NEIL3: variants seen among roughly 807,000 people sequenced by gnomAD.
The protein encoded by NEIL3 is endonuclease 8-like 3.
NEIL3 carries 48 observed loss-of-function variants against 57.5 expected under a neutral mutation model. That is an observed-to-expected ratio of 0.83 (90% CI 0.66 to 1.06). NEIL3 has a LOEUF of 1.06. Among genes scored for constraint, NEIL3 ranks in the 50% least tolerant of loss-of-function variants. NEIL3 has a pLI of 0.00. For missense variants in NEIL3, 717 were observed against 739.1 expected (o/e 0.97, Z 0.35); for synonymous variants, 261 against 253.2 (o/e 1.03, Z -0.29).
At chr4:177,345,383 C>A (rs1052178483) in intron 6 of NEIL3, among the ~76,000 whole-genome samples, 1 of 152,034 alleles carries the variant, frequency 6.6e-6, no homozygotes, top group Admixed American at 6.5e-5. Flanking sequence ...ATATTCAGGT[C>A]TCTAAAAACC....
At chr4:177,338,430 C>T (rs1735020064) in intron 4 of NEIL3, among the ~76,000 whole-genome samples, 1 of 152,180 alleles carries the variant, frequency 6.6e-6, no homozygotes, top group African/African-American at 2.4e-5. Flanking sequence ...CAGCCCTACA[C>T]ACATGCAGGC....
chr4:177,354,903 A>G (rs954653268), intron 8 of NEIL3, among the ~76,000 whole-genome samples: 10 of 152,206 alleles, frequency 6.6e-5, no homozygotes, highest in African/African-American at 2.2e-4. Context: ...TTCCAGCTAC[A>G]TGTCCAGGAG....
chr4:177,353,504 A>G lies in NEIL3; in HGVS notation c.1236A>G (p.Leu412=), dbSNP rs550148423. The G allele has an allele frequency of 3.7e-6, 6 of 1,613,600 alleles. No individual in the cohort carries two copies. The highest frequency in any genetic ancestry group is 2.2e-5 in the East Asian group (1 of 44,866). ...GAAAAACAAAGCAAAACCAGATACT[A>G]GATGAGGAGTTTCAAAACTCTCCTC... ...LERKTKQNQI[L]DEEFQNSPPA... is the part of the protein sequence containing the mutation. Residue 412 remains leucine, a synonymous_variant, in exon 8 of 10, where the codon CTA becomes CTG. Coordinates refer to ENST00000264596, the MANE Select transcript of NEIL3 (RefSeq NM_018248.3).
chr4:177,353,873 C>T, intron 8 of NEIL3, 145 bp downstream of exon 8: 1 of 686,774 alleles, frequency 1.5e-6, no homozygotes, highest in Non-Finnish European at 2.4e-6. Context: ...TCAAGCGATT[C>T]TCCTGCCTCA....
In NEIL3 at chr4:177,336,164, C is replaced by T. The variant is rs1734974756; in HGVS notation, c.470C>T (p.Ser157Leu). The T allele has an allele frequency of 6.2e-7, 1 of 1,613,574 alleles. No individual in the cohort carries two copies. Among genetic ancestry groups the T allele is most frequent in the Non-Finnish European group, 8.5e-7 (1 of 1,179,652 alleles). The change falls in exon 4 of 10, where the codon TCA (serine) becomes TTA (leucine). Residue 157 changes from serine (S) to leucine (L), a missense_variant. Coordinates refer to ENST00000264596, the MANE Select transcript of NEIL3 (RefSeq NM_018248.3). ...IRMMKELDVC[S>L]PEFSFLRAES... Reference sequence around the variant, plus strand: ...ATGATGAAAGAATTAGATGTATGTTCACCTGAATTTAGTTTCTTGAGAGCA... The same window carrying T: ...ATGATGAAAGAATTAGATGTATGTTTACCTGAATTTAGTTTCTTGAGAGCA...
chr4:177,355,232 A>T (rs1018405566), intron 8 of NEIL3, among the ~76,000 whole-genome samples: 1 of 152,136 alleles, frequency 6.6e-6, no homozygotes, highest in African/African-American at 2.4e-5. Flanking sequence ...TCGTCCTCCC[A>T]TGTATGTCTT....
chr4:177,328,063 C>A (rs556593831), intron 2 of NEIL3, among the ~76,000 whole-genome samples: 1 of 152,256 alleles, frequency 6.6e-6, no homozygotes, highest in Admixed American at 6.5e-5. Context: ...TGGCCTCCAA[C>A]TGAGTTTCAT....
intron 2 of NEIL3, among the ~76,000 whole-genome samples, chr4:177,331,284 C>T (rs1734880426): frequency 6.6e-6 from 1 of 151,534 alleles, no homozygotes; most frequent in South Asian, 2.1e-4. Context: ...AATCTATATT[C>T]AGGTTCACTT....
intron 6 of NEIL3, among the ~76,000 whole-genome samples, chr4:177,347,031 C>T (rs1190068736): frequency 1.3e-5 from 2 of 151,784 alleles, no homozygotes; most frequent in African/African-American, 4.8e-5. Flanking sequence ...AAGAAAAAAC[C>T]TATCTATACA....
intron 1 of NEIL3, among the ~76,000 whole-genome samples, chr4:177,319,426 TGA>T (rs1405656175): frequency 6.6e-6 from 1 of 152,154 alleles, no homozygotes; most frequent in Non-Finnish European, 1.5e-5. Flanking sequence ...AGATAGATGT[TGA>T]GTTTCAGCTT....
At position 177,362,893 on chromosome 4, in the gene NEIL3, A is replaced by G. The variant is rs919190725; in HGVS notation, c.*422A>G. ...CACTATTTATAATATATGATTAAAGATATTTCTTGTTTTATTAAATAATAA... is the reference window on the plus strand; with the variant it reads ...CACTATTTATAATATATGATTAAAGGTATTTCTTGTTTTATTAAATAATAA... On this transcript the variant is annotated 3_prime_UTR_variant, in exon 10 of 10. Transcript: ENST00000264596. 2.6e-5 allele frequency: 4 copies of G among 152,202 alleles called. No individual in the cohort carries two copies. Among genetic ancestry groups the G allele is most frequent in the African/African-American group, 9.7e-5 (4 of 41,434 alleles). 9.4% of individuals were successfully genotyped at this position (152,202 alleles called of 1,614,324 possible).
intron 1 of NEIL3, among the ~76,000 whole-genome samples, chr4:177,316,227 C>A (rs747643707): frequency 6.6e-6 from 1 of 152,040 alleles, no homozygotes; most frequent in Non-Finnish European, 1.5e-5. Context: ...GAAAGTGAAA[C>A]CTTGGATAGG....
chr4:177,331,851 G>A (rs1297291766), intron 2 of NEIL3, among the ~76,000 whole-genome samples: 1 of 152,150 alleles, frequency 6.6e-6, no homozygotes, highest in Non-Finnish European at 1.5e-5. Context: ...TGGCTTCAGT[G>A]CACCAACAAC....
intron 5 of NEIL3, 44 bp from the exon 6 acceptor site, chr4:177,341,432 C>T (rs1216682688): frequency 6.6e-7 from 1 of 1,508,348 alleles, no homozygotes; most frequent in Admixed American, 2.3e-5. Flanking sequence ...CTTGGCAGCA[C>T]TGTTTTGTGG....
chr4:177,343,874 T>C (rs1401569331), intron 6 of NEIL3, among the ~76,000 whole-genome samples: 1 of 152,064 alleles, frequency 6.6e-6, no homozygotes, highest in Admixed American at 6.5e-5. Flanking sequence ...ATACATTTAT[T>C]TGACCAAGTA....
intron 1 of NEIL3, among the ~76,000 whole-genome samples, chr4:177,319,862 C>G (rs2111114652): frequency 6.6e-6 from 1 of 152,174 alleles, no homozygotes; most frequent in East Asian, 1.9e-4. Context: ...GAAAATTTCA[C>G]AGGGTATGGC....
chr4:177,341,770 C>A, intron 6 of NEIL3, 128 bp downstream of exon 6: 3 of 784,166 alleles, frequency 3.8e-6, no homozygotes, highest in Non-Finnish European at 5.7e-6. Flanking sequence ...GTATTTTAGT[C>A]CTTGAAAGGA....
At chr4:177,340,956 A>T (rs758884703) in intron 5 of NEIL3, among the ~76,000 whole-genome samples, 2 of 151,970 alleles carry the variant, frequency 1.3e-5, no homozygotes, top group African/African-American at 2.4e-5. Context: ...TTTATTAATG[A>T]ATCTCTAAGG....
At position 177,362,439 on chromosome 4, in the gene NEIL3, G is replaced by T; in HGVS notation, c.1786G>T (p.Gly596Trp). The T allele has an allele frequency of 6.2e-7, 1 of 1,612,832 alleles. No homozygotes were observed. The highest frequency in any genetic ancestry group is 1.7e-4 in the Middle Eastern group (1 of 6,048). The change falls in exon 10 of 10, where the codon GGG (glycine) becomes TGG (tryptophan). Residue 596 changes from glycine (G) to tryptophan (W), a missense_variant. Transcript: ENST00000264596. Reference protein sequence around the residue: ...QCNFFQWAENGPGIKIIPGC With the variant: ...QCNFFQWAENWPGIKIIPGC ...CAATTTTTTCCAGTGGGCAGAAAAT[G>T]GGCCAGGAATAAAAATTATTCCTGG...
Sources: gnomAD v4.1 joint callset for allele counts (sites outside exome capture counted in the v4.1 genomes callset) on GRCh38, gnomAD v4.1.1 for gene constraint, MANE v1.5 for transcripts, NCBI Gene and HGNC (gene_info 2026-07-23, HGNC 2026-07-21) for gene names.